Variants in CARMIL1 observed in about 807,000 individuals in gnomAD.
The protein encoded by CARMIL1 is F-actin-uncapping protein LRRC16A.
CARMIL1 carries 90 observed loss-of-function variants against 177.1 expected under a neutral mutation model. The observed-to-expected ratio is 0.51, with a 90% CI of 0.43 to 0.61. CARMIL1 has a LOEUF of 0.61. Among genes scored for constraint, CARMIL1 ranks in the 20% least tolerant of loss-of-function variants. The probability of loss-of-function intolerance (pLI) is 0.00; values close to 1 mark genes in which losing one functional copy is unlikely to be tolerated. For missense variants in CARMIL1, 1,380 were observed against 1,667.0 expected (o/e 0.83, Z 3.00); for synonymous variants, 577 against 606.2 (o/e 0.95, Z 0.71).
intron 34 of CARMIL1, 78 bp from the exon 35 acceptor site, chr6:25,605,983 C>A: frequency 1.1e-6 from 1 of 886,696 alleles, no homozygotes; most frequent in Non-Finnish European, 1.7e-6. Flanking sequence ...ATGATTACAG[C>A]AGTTTGTACC....
In CARMIL1 at chr6:25,610,135, T is replaced by C; in HGVS notation, c.3933T>C (p.Asp1311=). 6.2e-7 allele frequency: 1 copy of C among 1,613,876 alleles called. No homozygotes were observed. Among genetic ancestry groups the C allele is most frequent in the South Asian group, 1.1e-5 (1 of 91,060 alleles). Residue 1311 remains aspartate (D), a synonymous_variant, in exon 36 of 37, where the codon GAT becomes GAC. Coordinates refer to ENST00000329474, the MANE Select transcript of CARMIL1 (RefSeq NM_017640.6). Reference sequence around the variant, plus strand: ...AAGTTCCTTCAGACAAAGAGAGAGATGGCCAGAGTAGCCCCCAGCCCAGCC... The same window carrying C: ...AAGTTCCTTCAGACAAAGAGAGAGACGGCCAGAGTAGCCCCCAGCCCAGCC... The part of the protein sequence containing the change: ...LKKVPSDKER[D]GQSSPQPSPR...
chr6:25,606,345 C>A, intron 35 of CARMIL1, 72 bp downstream of exon 35: 1 of 1,386,834 alleles, frequency 7.2e-7, no homozygotes, highest in Non-Finnish European at 9.8e-7. Flanking sequence ...TCAGACTCTG[C>A]AGGTGGTTTC....
intron 2 of CARMIL1, among the ~76,000 whole-genome samples, chr6:25,381,731 G>A (rs962749051): frequency 3.3e-5 from 5 of 152,184 alleles, no homozygotes; most frequent in Admixed American, 2.6e-4. Flanking sequence ...ACCTTTGTGT[G>A]TTCACCAATC....
At chr6:25,553,681 G>A (rs1810348741) in intron 27 of CARMIL1, among the ~76,000 whole-genome samples, 1 of 152,110 alleles carries the variant, frequency 6.6e-6, no homozygotes, top group African/African-American at 2.4e-5. Flanking sequence ...TTATGTCAAT[G>A]GATGAATTGT....
rs574711233 is a variant in CARMIL1 at position 25,338,267 on chromosome 6, A to ATAAAACAAAAT, written c.138+53358_138+53359insTAAAACAAAAT. Among the ~76,000 whole-genome samples the ATAAAACAAAAT allele has an allele frequency of 2.0e-5, 3 of 151,406 alleles. No homozygotes were observed. In the South Asian group the frequency reaches 6.3e-4, roughly 32 times the overall value. On this transcript the variant is annotated intron_variant, in intron 2 of 36. Transcript: ENST00000329474. Reference sequence around the variant, plus strand: ...GCAAGACTCTGTCTCAAAAAAAAAAAAATAAAATAAAAGGTGGTAGTATAA... The same window carrying ATAAAACAAAAT: ...GCAAGACTCTGTCTCAAAAAAAAAAATAAAACAAAATAATAAAATAAAAGGTGGTAGTATAA...
intron 17 of CARMIL1, among the ~76,000 whole-genome samples, chr6:25,505,369 T>A (rs562232761): frequency 6.6e-6 from 1 of 152,292 alleles, no homozygotes; most frequent in South Asian, 2.1e-4. Flanking sequence ...TCAAAACCAT[T>A]TTCTATGGCA....
intron 2 of CARMIL1, among the ~76,000 whole-genome samples, chr6:25,352,102 G>T (rs1455026022): frequency 6.6e-6 from 1 of 150,872 alleles, no homozygotes; most frequent in Non-Finnish European, 1.5e-5. Context: ...TTAAGAAAAC[G>T]TTTGGCACCT....
chr6:25,420,147 G>T lies in CARMIL1; in HGVS notation c.172G>T (p.Ala58Ser), dbSNP rs1795718854. 6.2e-7 allele frequency: 1 copy of T among 1,613,448 alleles called. No individual in the cohort carries two copies. Among genetic ancestry groups the T allele is most frequent in the African/African-American group, 1.3e-5 (1 of 74,868 alleles). The change falls in exon 3 of 37, where the codon GCG becomes TCG. Residue 58 changes from alanine (A) to serine (S), a missense_variant. Coordinates refer to ENST00000329474, the MANE Select transcript of CARMIL1 (RefSeq NM_017640.6). ...LTSCRAFLVT[A>S]RIPTKLELTF... ...ATCATGCCGAGCCTTCCTTGTAACA[G>T]CGCGAATCCCCACCAAGGTAAGTGT...
chr6:25,502,145 A>G (rs1162606595), intron 17 of CARMIL1, among the ~76,000 whole-genome samples: 3 of 151,904 alleles, frequency 2.0e-5, no homozygotes, highest in Non-Finnish European at 2.9e-5. Context: ...TTATTTGTTT[A>G]CCAGCACTTT....
intron 2 of CARMIL1, among the ~76,000 whole-genome samples, chr6:25,348,757 G>C (rs1289447617): frequency 1.3e-5 from 2 of 151,942 alleles, no homozygotes; most frequent in Non-Finnish European, 2.9e-5. Flanking sequence ...ACTCCAGCCT[G>C]GTGACAGAGC....
At chr6:25,521,853 G>A (rs1806603549) in intron 23 of CARMIL1, among the ~76,000 whole-genome samples, 2 of 151,814 alleles carry the variant, frequency 1.3e-5, no homozygotes, top group African/African-American at 4.8e-5. Flanking sequence ...CACAGTAAAA[G>A]GGATCTGATA....
chr6:25,462,023 G>A (rs1014870336), intron 8 of CARMIL1, among the ~76,000 whole-genome samples: 2 of 151,832 alleles, frequency 1.3e-5, no homozygotes, highest in African/African-American at 2.4e-5. Context: ...AAAAAAATGG[G>A]GTGATTGTTT....
intron 29 of CARMIL1, among the ~76,000 whole-genome samples, chr6:25,579,494 G>C (rs371035485): frequency 1.2e-4 from 19 of 152,312 alleles, no homozygotes; most frequent in East Asian, 7.7e-4. Flanking sequence ...TTTCACTTGT[G>C]AATAGACCAG....
intron 8 of CARMIL1, among the ~76,000 whole-genome samples, chr6:25,456,588 G>C (rs1350406897): frequency 6.6e-6 from 1 of 152,152 alleles, no homozygotes; most frequent in Admixed American, 6.5e-5. Flanking sequence ...TTTCTCATGG[G>C]ATTTCTCGAA....
chr6:25,342,357 A>C (rs1263592438), intron 2 of CARMIL1, among the ~76,000 whole-genome samples: 1 of 152,208 alleles, frequency 6.6e-6, no homozygotes, highest in Non-Finnish European at 1.5e-5. Context: ...TGACCAAGGC[A>C]GGCTGGATGC....
At chr6:25,454,773 T>C (rs940659155) in intron 8 of CARMIL1, among the ~76,000 whole-genome samples, 48 of 152,338 alleles carry the variant, frequency 3.2e-4, no homozygotes, top group African/African-American at 1.2e-3. Context: ...ACAAATTTTA[T>C]TGGCTGATTA....
chr6:25,564,601 T>TAA (rs1811396987), intron 29 of CARMIL1, among the ~76,000 whole-genome samples: 11 of 152,194 alleles, frequency 7.2e-5, no homozygotes, highest in Non-Finnish European at 1.2e-4. Flanking sequence ...GTTTGCCTTC[T>TAA]GTCTTATGGA....
intron 29 of CARMIL1, among the ~76,000 whole-genome samples, chr6:25,574,053 G>A (rs1215695716): frequency 1.3e-5 from 2 of 152,072 alleles, no homozygotes; most frequent in African/African-American, 4.8e-5. Context: ...TTCTTTCCAT[G>A]TGTTGTAGTT....
chr6:25,575,636 T>C (rs1230834321), intron 29 of CARMIL1, among the ~76,000 whole-genome samples: 1 of 152,214 alleles, frequency 6.6e-6, no homozygotes, highest in Non-Finnish European at 1.5e-5. Context: ...TTTTTACTTT[T>C]TCTCCTTTGA....
Sources: gnomAD v4.1 joint callset for allele counts (sites outside exome capture counted in the v4.1 genomes callset) on GRCh38, gnomAD v4.1.1 for gene constraint, MANE v1.5 for transcripts, NCBI Gene and HGNC (gene_info 2026-07-23, HGNC 2026-07-21) for gene names.